HCN2: variants seen among roughly 807,000 people sequenced by gnomAD.
HCN2 encodes the protein hyperpolarization activated cyclic nucleotide gated potassium and sodium channel 2.
A neutral mutation model predicts 52.3 loss-of-function variants in HCN2; 20 were observed. The observed-to-expected ratio is 0.38, with a 90% CI of 0.27 to 0.56. HCN2 has a LOEUF of 0.56. HCN2 is among the 20% of genes least tolerant of loss of function. The pLI is 0.71. For synonymous variants in HCN2, 694 were observed against 537.0 expected, an observed-to-expected ratio of 1.29 and a Z score of -4.04; for missense variants, 981 against 1,207.7, an observed-to-expected ratio of 0.81 and a Z score of 2.78.
In HCN2 at chr19:599,787, C is replaced by CA. The variant is rs1359010098; in HGVS notation, c.633-3751dup. ...TGGGCGACAGAGTGAGACTCTGTCTCAAAAAAGAAAACCTCAAGAACTAAG... is the reference window on the plus strand; with the variant it reads ...TGGGCGACAGAGTGAGACTCTGTCTCAAAAAAAGAAAACCTCAAGAACTAAG... On this transcript the variant is annotated intron_variant, in intron 1 of 7. Coordinates refer to ENST00000251287, the MANE Select transcript of HCN2 (RefSeq NM_001194.4). 2.7e-5 allele frequency among the ~76,000 whole-genome samples: 4 copies of CA among 149,960 alleles called. No individual in the cohort carries two copies. The South Asian group carries it at 8.4e-4, about 32-fold the overall frequency.
rs142154006 is a variant in HCN2 at position 603,441 on chromosome 19, G to A, written c.633-103G>A. ...GGCTCCTCGGAGGAGGCACTGGCTCGAGGTGTGGGCGCCCCTCGTCCCCCA... is the reference window on the plus strand; with the variant it reads ...GGCTCCTCGGAGGAGGCACTGGCTCAAGGTGTGGGCGCCCCTCGTCCCCCA... On this transcript the variant is annotated intron_variant, in intron 1 of 7. Coordinates refer to ENST00000251287, the MANE Select transcript of HCN2 (RefSeq NM_001194.4). The A allele has an allele frequency of 3.2e-3, 2,747 of 852,686 alleles. 6 individuals carry two copies. The highest frequency in any genetic ancestry group is 5.1e-3 in the Middle Eastern group (14 of 2,752). The allele number at this position is 852,686 out of a possible 1,614,324, so 52.8% of individuals were successfully genotyped here.
rs756082561 is a variant in HCN2 at position 603,974 on chromosome 19, T to C, written c.1056+7T>C. The C allele has an allele frequency of 2.4e-5, 15 of 626,434 alleles. 1 individual carries two copies. Among genetic ancestry groups the C allele is most frequent in the Non-Finnish European group, 2.9e-5 (14 of 476,630 alleles). 38.8% of individuals were successfully genotyped at this position (626,434 alleles called of 1,614,324 possible). A position where few individuals can be genotyped will look rare whatever the true frequency, so the allele number is the denominator to read the frequency against. ...CATCCATCAGTGGGAGGAGGTGAGGTGGGGCGGGGGCGGGGCCAAGGCAGC... is the reference window on the plus strand; with the variant it reads ...CATCCATCAGTGGGAGGAGGTGAGGCGGGGCGGGGGCGGGGCCAAGGCAGC... On this transcript the variant is annotated splice_region_variant and intron_variant, in intron 2 of 7. Transcript: ENST00000251287.
Position 605,880 on chromosome 19 carries a change from C to G in HCN2, c.1218+658C>G, listed in dbSNP as rs958077524. ...CAAGACCCCCTTACACGGGAGGACT[C>G]AGGCCTCTTTACAGAGGGGGACCCA... On this transcript the variant is annotated intron_variant, in intron 3 of 7. Transcript: ENST00000251287. Among the ~76,000 whole-genome samples, 12 of 152,042 alleles carry G rather than the reference C, an allele frequency of 7.9e-5. 1 individual carries two copies. Among genetic ancestry groups the G allele is most frequent in the African/African-American group, 2.9e-4 (12 of 41,392 alleles).
chr19:613,802 G>C, intron 6 of HCN2, 50 bp from the exon 7 acceptor site: 1 of 1,445,876 alleles, frequency 6.9e-7, no homozygotes, highest in Non-Finnish European at 9.0e-7. Flanking sequence ...GGCGGGGAGG[G>C]CCGCGGCGCC....
At position 590,815 on chromosome 19, in the gene HCN2, C is replaced by T. The variant is rs975921524; in HGVS notation, c.632+238C>T. ...AGCGCCCCCCTCCCACGCACCCCGA[C>T]ATCCTCCGCCCTGCGGCGCGGCGGG... is the stretch of plus-strand genomic sequence containing the variant. On this transcript the variant is annotated intron_variant, in intron 1 of 7. Transcript: ENST00000251287. This position sits in a 1 kb window ranked among gnomAD's most constrained non-coding sequence, Gnocchi z 7.2. 2.0e-4 allele frequency: 55 copies of T among 277,754 alleles called. No homozygotes were observed. The highest frequency in any genetic ancestry group is 3.7e-4 in the Admixed American group (7 of 18,754). The allele number at this position is 277,754 out of a possible 1,614,324, so 17.2% of individuals were successfully genotyped here. A position where few individuals can be genotyped will look rare whatever the true frequency, so the allele number is the denominator to read the frequency against.
chr19:615,016 C>T (rs1300532404), intron 7 of HCN2, among the ~76,000 whole-genome samples: 1 of 152,152 alleles, frequency 6.6e-6, no homozygotes, highest in Non-Finnish European at 1.5e-5. Flanking sequence ...AGTGAGTATG[C>T]AACCCGTTCC....
At chr19:598,687 C>T (rs1403038689) in intron 1 of HCN2, among the ~76,000 whole-genome samples, 5 of 152,090 alleles carry the variant, frequency 3.3e-5, no homozygotes, top group Admixed American at 2.0e-4. Context: ...CTGCAAGCTC[C>T]GCCTCCCGGG....
In HCN2 at chr19:604,985, G is replaced by GA; in HGVS notation, c.1057-76_1057-75insA. On this transcript the variant is annotated intron_variant, in intron 2 of 7. Transcript: ENST00000251287. Reference sequence around the variant, plus strand: ...GGGGGCCAGGAGCTCCCGCAGTGGGGGCGCACGGGGCTGGGGCTCTGAAGG... The same window carrying GA: ...GGGGGCCAGGAGCTCCCGCAGTGGGGAGCGCACGGGGCTGGGGCTCTGAAGG... 4 of 1,476,738 alleles carry GA rather than the reference G, an allele frequency of 2.7e-6. 1 individual carries two copies. In the South Asian group the frequency reaches 5.0e-5, roughly 18 times the overall value. 91.5% of individuals were successfully genotyped at this position (1,476,738 alleles called of 1,614,324 possible).
rs760398126 is a variant in HCN2, at chr19:603,540, C to T, written c.633-4C>T. 3 of 1,599,888 alleles carry T rather than the reference C, an allele frequency of 1.9e-6. No homozygotes were observed. The highest frequency in any genetic ancestry group is 2.2e-5 in the East Asian group (1 of 44,628). ...GCCTGAGGTGTGGGCACCCTCGCCCCCAGGTTCTACTGGGACTTCACCATG... is the reference window on the plus strand; with the variant it reads ...GCCTGAGGTGTGGGCACCCTCGCCCTCAGGTTCTACTGGGACTTCACCATG... On this transcript the variant is annotated splice_polypyrimidine_tract_variant and splice_region_variant and intron_variant, in intron 1 of 7. Coordinates refer to ENST00000251287, the MANE Select transcript of HCN2 (RefSeq NM_001194.4).
chr19:605,308 G>GCAC, intron 3 of HCN2, 86 bp downstream of exon 3: 1 of 1,343,634 alleles, frequency 7.4e-7, no homozygotes, highest in Admixed American at 2.5e-5. Flanking sequence ...GCTTACAGAG[G>GCAC]GTTGAACCCA....
intron 4 of HCN2, among the ~76,000 whole-genome samples, chr19:609,715 A>G (rs542766788): frequency 1.3e-5 from 2 of 152,134 alleles, no homozygotes; most frequent in South Asian, 4.1e-4. Flanking sequence ...AGCCTGTGCA[A>G]TATGGCGAGA....
chr19:590,067 C>T lies in HCN2; in HGVS notation c.122C>T (p.Pro41Leu), dbSNP rs1439555189. ...PQQQPPPPPP[P>L]APPPGPGPAP... Reference sequence around the variant, plus strand: ...CAGCAGCCGCCGCCGCCGCCGCCGCCCGCGCCCCCCCCGGGCCCCGGGCCC... The same window carrying T: ...CAGCAGCCGCCGCCGCCGCCGCCGCTCGCGCCCCCCCCGGGCCCCGGGCCC... The change falls in exon 1 of 8, where the codon CCC (proline) becomes CTC (leucine). Residue 41 changes from proline (P) to leucine (L), a missense_variant. Physicochemically the swap from Pro to Leu is moderately conservative, Grantham distance 98. This residue lies in a region of HCN2 where 215 missense variants were observed against 179.4 expected (regional missense o/e 1.20). Coordinates refer to ENST00000251287, the MANE Select transcript of HCN2 (RefSeq NM_001194.4). The surrounding 1 kb of genome is among the most constrained non-coding windows in gnomAD (Gnocchi z 7.2). 3 of 628,592 alleles carry T rather than the reference C, an allele frequency of 4.8e-6. No individual in the cohort carries two copies. The highest frequency in any genetic ancestry group is 3.9e-6 in the Non-Finnish European group (2 of 512,526). The allele number at this position is 628,592 out of a possible 1,614,324, so 38.9% of individuals were successfully genotyped here. A position where few individuals can be genotyped will look rare whatever the true frequency, so the allele number is the denominator to read the frequency against.
intron 2 of HCN2, among the ~76,000 whole-genome samples, chr19:604,546 CA>C (rs1184454876): frequency 5.7e-5 from 6 of 106,060 alleles, no homozygotes; most frequent in Admixed American, 1.1e-4. Flanking sequence ...TGGGCGGGGT[CA>C]AGGCATCAGG....
Position 608,394 on chromosome 19 carries a change from G to T in HCN2, c.1437+212G>T, listed in dbSNP as rs545401976. Among the ~76,000 whole-genome samples the T allele has an allele frequency of 2.2e-3, 333 of 152,188 alleles. 2 individuals carry two copies. Among genetic ancestry groups the T allele is most frequent in the African/African-American group, 7.6e-3 (316 of 41,526 alleles). ...TGAGGGGAGGGGCGGGCCCGGCCCC[G>T]GGGTCTGAGGGGAGAGGCAGTCTCA... On this transcript the variant is annotated intron_variant, in intron 4 of 7. Transcript: ENST00000251287.
chr19:602,016 C>G (rs1191258438), intron 1 of HCN2, among the ~76,000 whole-genome samples: 1 of 151,526 alleles, frequency 6.6e-6, no homozygotes, highest in Non-Finnish European at 1.5e-5. Context: ...TCGGCCGTTC[C>G]TCCCACCCTC....
At chr19:612,110 A>T (rs1311297401) in intron 5 of HCN2, among the ~76,000 whole-genome samples, 3 of 151,444 alleles carry the variant, frequency 2.0e-5, no homozygotes, top group Non-Finnish European at 4.4e-5. Flanking sequence ...GTGCCACTGC[A>T]CTCCAGCCTG....
chr19:599,870 G>A, intron 1 of HCN2, among the ~76,000 whole-genome samples: 1 of 150,204 alleles, frequency 6.7e-6, no homozygotes. Context: ...GTGTGTGTGT[G>A]TGTGTGTGTG....
chr19:607,387 G>A (rs1210475004), intron 3 of HCN2, among the ~76,000 whole-genome samples: 1 of 152,220 alleles, frequency 6.6e-6, no homozygotes, highest in East Asian at 1.9e-4. Context: ...CAGAGCAGGT[G>A]GGCATTGATG....
chr19:597,562 G>C (rs66757735), intron 1 of HCN2, among the ~76,000 whole-genome samples: 3,518 of 23,568 alleles, frequency 0.15, 785 homozygotes, highest in African/African-American at 0.32. Flanking sequence ...CTGGTGGTTT[G>C]TAGATCTCCT....
Sources: allele counts gnomAD v4.1 joint callset (sites outside exome capture counted in the v4.1 genomes callset), GRCh38; gene constraint gnomAD v4.1.1; regional missense constraint gnomAD v4.1.1; non-coding constraint Gnocchi (gnomAD v3.1); transcripts MANE v1.5; gene names NCBI Gene and HGNC (gene_info 2026-07-23, HGNC 2026-07-21).